NUP155: variants seen among roughly 807,000 people sequenced by gnomAD.
The protein encoded by NUP155 is nuclear pore complex protein Nup155.
NUP155 carries 71 observed loss-of-function variants against 180.4 expected under a neutral mutation model. The ratio of observed to expected loss-of-function variants is 0.39; its 90% CI spans 0.33 to 0.48. NUP155 has a LOEUF of 0.48. Among genes scored for constraint, NUP155 ranks in the 20% least tolerant of loss-of-function variants. NUP155 has a pLI of 0.91. For missense variants in NUP155, 1,553 were observed against 1,648.9 expected (o/e 0.94, Z 1.01); for synonymous variants, 582 against 559.5 (o/e 1.04, Z -0.57).
At chr5:37,364,827 G>A (rs986915298) in intron 1 of NUP155, among the ~76,000 whole-genome samples, 5 of 151,534 alleles carry the variant, frequency 3.3e-5, no homozygotes, top group African/African-American at 2.4e-5. Flanking sequence ...TAGTAGAAAC[G>A]GGGTTTCACC....
chr5:37,291,887 T>C lies in NUP155; in HGVS notation c.*13A>G. The C allele has an allele frequency of 3.7e-6, 6 of 1,612,872 alleles. No individual in the cohort carries two copies. The highest frequency in any genetic ancestry group is 1.7e-5 in the Admixed American group (1 of 60,000). On this transcript the variant is annotated 3_prime_UTR_variant, in exon 35 of 35. Transcript: ENST00000231498. ...TTACAGATCATAAAACGGATGAAAG[T>C]ATATCACAGTAATTAATGAAGCCGT...
chr5:37,318,151 C>T, intron 20 of NUP155, 66 bp from the exon 21 acceptor site: 3 of 906,878 alleles, frequency 3.3e-6, no homozygotes, highest in Non-Finnish European at 5.6e-6. Context: ...ACATACAGTA[C>T]AATTCAAACA....
chr5:37,340,291 A>T (rs1201648451), intron 11 of NUP155, among the ~76,000 whole-genome samples: 1 of 152,036 alleles, frequency 6.6e-6, no homozygotes, highest in Non-Finnish European at 1.5e-5. Flanking sequence ...AAGTACAAAA[A>T]TTAGCCGGGT....
chr5:37,314,141 C>A, intron 22 of NUP155, 57 bp downstream of exon 22: 1 of 1,299,550 alleles, frequency 7.7e-7, no homozygotes, highest in Non-Finnish European at 1.1e-6. Context: ...AAATACTCAT[C>A]CAAAAAATCC....
At chr5:37,305,896 A>AAAAAC (rs1293397462) in intron 25 of NUP155, among the ~76,000 whole-genome samples, 6 of 151,948 alleles carry the variant, frequency 3.9e-5, no homozygotes, top group Non-Finnish European at 7.4e-5. Flanking sequence ...AAAACCCCCC[A>AAAAAC]AAAACAAAAC....
chr5:37,303,381 G>C lies in NUP155; in HGVS notation c.3196C>G (p.Arg1066Gly). 6.2e-7 allele frequency: 1 copy of C among 1,613,980 alleles called. No homozygotes were observed. Among genetic ancestry groups the C allele is most frequent in the Non-Finnish European group, 8.5e-7 (1 of 1,179,968 alleles). Residue 1066 changes from arginine to glycine, a missense_variant, in exon 28 of 35, where the codon CGA (arginine) becomes GGA (glycine). Coordinates refer to ENST00000231498, the MANE Select transcript of NUP155 (RefSeq NM_153485.3). ...CTGTTTTGATCAACTTTGGCCATTC[G>C]GACTAGATGTGGCTCCAGAAATGGA... ...ASPFLEPHLVRMAKVDQNRVR... is the reference protein window; with the variant it reads ...ASPFLEPHLVGMAKVDQNRVR...
At chr5:37,322,014 C>A (rs1166839146) in intron 20 of NUP155, among the ~76,000 whole-genome samples, 1 of 152,068 alleles carries the variant, frequency 6.6e-6, no homozygotes, top group Non-Finnish European at 1.5e-5. Flanking sequence ...TGCCACCACA[C>A]CTGGCTAGTT....
intron 24 of NUP155, among the ~76,000 whole-genome samples, chr5:37,308,144 T>A (rs1417348825): frequency 6.6e-6 from 1 of 152,042 alleles, no homozygotes; most frequent in Non-Finnish European, 1.5e-5. Context: ...AAGCAGATTA[T>A]ACCTTAAAAC....
At chr5:37,303,793 T>C (rs1207169468) in intron 27 of NUP155, among the ~76,000 whole-genome samples, 1 of 149,762 alleles carries the variant, frequency 6.7e-6, no homozygotes, top group Non-Finnish European at 1.5e-5. Flanking sequence ...ACAAAAAAAT[T>C]AGCTGGGTGT....
intron 20 of NUP155, among the ~76,000 whole-genome samples, chr5:37,322,847 C>T (rs1581159698): frequency 1.3e-5 from 2 of 151,252 alleles, no homozygotes; most frequent in African/African-American, 4.9e-5. Flanking sequence ...GTGGCAGGCG[C>T]CTGTAACCCC....
Position 37,342,556 on chromosome 5 carries a change from T to C in NUP155, c.1086A>G (p.Thr362=). The part of the protein sequence containing the change: ...ESLDCQLLAV[T]HAGVRLYFST... ...GTAAATAAAACAACATACCTGCATG[T>C]GTGACAGCCAATAACTGACAGTCCA... The change falls in exon 10 of 35, where the codon ACA becomes ACG. Residue 362 remains threonine (T), a synonymous_variant. Coordinates refer to ENST00000231498, the MANE Select transcript of NUP155 (RefSeq NM_153485.3). 2.5e-6 allele frequency: 4 copies of C among 1,602,258 alleles called. No individual in the cohort carries two copies. Among genetic ancestry groups the C allele is most frequent in the Non-Finnish European group, 3.4e-6 (4 of 1,169,190 alleles).
chr5:37,368,209 CTTTTTTTTTTT>C (rs58198308), intron 1 of NUP155, among the ~76,000 whole-genome samples: 20 of 52,858 alleles, frequency 3.8e-4, no homozygotes, highest in East Asian at 7.1e-4. Context: ...AGCGCCAGGC[CTTTTTTTTTTT>C]TTTTTTTTTT....
intron 9 of NUP155, among the ~76,000 whole-genome samples, chr5:37,344,251 G>A (rs1320151243): frequency 4.7e-5 from 7 of 150,242 alleles, no homozygotes; most frequent in African/African-American, 9.8e-5. Flanking sequence ...GCTGAGGCAC[G>A]AGAATCACTG....
intron 1 of NUP155, among the ~76,000 whole-genome samples, chr5:37,369,647 G>A (rs1747835194): frequency 6.6e-6 from 1 of 151,974 alleles, no homozygotes; most frequent in Non-Finnish European, 1.5e-5. Flanking sequence ...ACGCTCATTG[G>A]TAAGTAGCTG....
At position 37,303,453 on chromosome 5, in the gene NUP155, A is replaced by G. The variant is rs113458600; in HGVS notation, c.3163-39T>C. On this transcript the variant is annotated intron_variant, in intron 27 of 34. Transcript: ENST00000231498. ...AGTTATTCAGAAAAATTTTCTAACC[A>G]CCTACAGATAATGTTCCTGATAAGG... 8 of 1,534,378 alleles carry G rather than the reference A, an allele frequency of 5.2e-6. No homozygotes were observed. The Admixed American group carries it at 1.3e-4, about 26-fold the overall frequency.
intron 6 of NUP155, 95 bp from the exon 7 acceptor site, chr5:37,350,360 C>T (rs1746376567): frequency 3.8e-6 from 3 of 784,188 alleles, no homozygotes; most frequent in African/African-American, 1.7e-5. Flanking sequence ...TTCAAATCTT[C>T]ATGAAATACC....
chr5:37,339,380 C>T (rs1373230285), intron 11 of NUP155, among the ~76,000 whole-genome samples: 2 of 151,484 alleles, frequency 1.3e-5, no homozygotes, highest in Non-Finnish European at 2.9e-5. Flanking sequence ...ATAATCCTAG[C>T]GCTTTGGGAG....
At chr5:37,355,155 T>C (rs1236466889) in intron 4 of NUP155, among the ~76,000 whole-genome samples, 1 of 152,090 alleles carries the variant, frequency 6.6e-6, no homozygotes, top group Non-Finnish European at 1.5e-5. Flanking sequence ...GGCCATAATC[T>C]TAAAAAATTT....
At chr5:37,315,898 C>T (rs1022644352) in intron 21 of NUP155, among the ~76,000 whole-genome samples, 1 of 152,174 alleles carries the variant, frequency 6.6e-6, no homozygotes, top group Non-Finnish European at 1.5e-5. Flanking sequence ...TGAGATCGCA[C>T]CATTGCACTC....
Sources: allele counts gnomAD v4.1 joint callset (sites outside exome capture counted in the v4.1 genomes callset), GRCh38; gene constraint gnomAD v4.1.1; transcripts MANE v1.5; gene names NCBI Gene and HGNC (gene_info 2026-07-23, HGNC 2026-07-21).